ZSCAN31: variants seen among roughly 807,000 people sequenced by gnomAD.
ZSCAN31 encodes the protein zinc finger and SCAN domain containing 31.
ZSCAN31 carries 14 observed loss-of-function variants against 22.5 expected under a neutral mutation model. That is an observed-to-expected ratio of 0.62 (90% CI 0.41 to 0.97). The LOEUF is 0.97. Among genes scored for constraint, ZSCAN31 ranks in the 50% least tolerant of loss-of-function variants. The pLI, the probability that ZSCAN31 is intolerant of heterozygous loss-of-function variation, is 0.00. For missense variants in ZSCAN31, 424 were observed against 483.4 expected, an observed-to-expected ratio of 0.88 and a Z score of 1.15; for synonymous variants, 168 against 169.8, an observed-to-expected ratio of 0.99 and a Z score of 0.08.
chr6:28,343,604 C>T (rs7740205), intron 2 of ZSCAN31, among the ~76,000 whole-genome samples: 270 of 134,678 alleles, frequency 2.0e-3, no homozygotes, highest in African/African-American at 6.9e-3. Context: ...AGTGCAGTCG[C>T]GGGATCTCGG....
rs1765010537 is a variant in ZSCAN31, at chr6:28,351,483, T to C, written c.-371+2379A>G. Among the ~76,000 whole-genome samples the C allele has an allele frequency of 1.3e-5, 2 of 152,206 alleles. No individual in the cohort carries two copies. The highest frequency in any genetic ancestry group is 4.1e-4 in the South Asian group (2 of 4,830). On this transcript the variant is annotated intron_variant, in intron 2 of 7. Transcript: ENST00000396838. This position sits in a 1 kb window ranked among gnomAD's most constrained non-coding sequence, Gnocchi z 4.6. Reference sequence around the variant, plus strand: ...GGACATTGTTTAATTTTCTAAAATTTTGGAGAGAAATTTAAACACATTTAA... The same window carrying C: ...GGACATTGTTTAATTTTCTAAAATTCTGGAGAGAAATTTAAACACATTTAA...
intron 1 of ZSCAN31, chr6:28,354,030 C>T (rs1765248611): frequency 2.3e-6 from 1 of 442,784 alleles, no homozygotes; most frequent in African/African-American, 2.0e-5. Context: ...TCTCGGCTGC[C>T]TCCTCCGACC....
At chr6:28,340,261 T>C (rs866725944), upstream of ZSCAN31, among the ~76,000 whole-genome samples, 2 of 152,266 alleles carry the variant, frequency 1.3e-5, no homozygotes, top group Admixed American at 6.5e-5. Flanking sequence ...CAGAAACTTA[T>C]GACACTATTA....
rs1764778370 is a variant in ZSCAN31 at position 28,349,030 on chromosome 6, TCA to T, written c.-371+4830_-371+4831del. ...ATATACATAGGTGTATATACATGTC[TCA>T]TATACATAGGTGTATATACATGTCT... On this transcript the variant is annotated intron_variant, in intron 2 of 7. Transcript: ENST00000396838. The surrounding 1 kb of genome is among the most constrained non-coding windows in gnomAD (Gnocchi z 4.1). Among the ~76,000 whole-genome samples the T allele has an allele frequency of 7.6e-6, 1 of 131,492 alleles. No homozygotes were observed. The highest frequency in any genetic ancestry group is 2.9e-5 in the African/African-American group (1 of 34,688). 86.3% of individuals were successfully genotyped at this position (131,492 alleles called of 152,430 possible). A position where few individuals can be genotyped will look rare whatever the true frequency, so the allele number is the denominator to read the frequency against.
Position 28,349,784 on chromosome 6 carries a change from C to T in ZSCAN31, c.-371+4078G>A, listed in dbSNP as rs1764845078. 1 of 152,188 alleles carries T rather than the reference C, an allele frequency of 6.6e-6. No individual in the cohort carries two copies. The highest frequency in any genetic ancestry group is 6.5e-5 in the Admixed American group (1 of 15,282). 9.4% of individuals were successfully genotyped at this position (152,188 alleles called of 1,614,324 possible). A position where few individuals can be genotyped will look rare whatever the true frequency, so the allele number is the denominator to read the frequency against. On this transcript the variant is annotated intron_variant, in intron 2 of 7. Coordinates refer to the ZSCAN31 transcript ENST00000396838. This position sits in a 1 kb window ranked among gnomAD's most constrained non-coding sequence, Gnocchi z 4.1. ...TTATGAAAATAATTCTGCACCTTGC[C>T]TTTCTCCCTTAGTTATAGCTGGAAA...
upstream of ZSCAN31, among the ~76,000 whole-genome samples, chr6:28,338,382 C>T (rs895866820): frequency 4.6e-5 from 7 of 152,004 alleles, no homozygotes; most frequent in South Asian, 4.1e-4. Flanking sequence ...GATCCCATCT[C>T]GAAAAATAAA....
At chr6:28,354,047 C>CT (rs1452020126) in intron 1 of ZSCAN31, 1 of 430,434 alleles carries the variant, frequency 2.3e-6, no homozygotes, top group Non-Finnish European at 4.7e-6. Flanking sequence ...GACCGCAGCC[C>CT]TTCTCAGCAA....
intron 2 of ZSCAN31, among the ~76,000 whole-genome samples, chr6:28,345,622 C>A (rs1362272310): frequency 1.3e-5 from 2 of 152,148 alleles, no homozygotes; most frequent in African/African-American, 4.8e-5. Flanking sequence ...GTGGGTTTGC[C>A]TTTTCTGGTC....
At position 28,333,101 on chromosome 6, in the gene ZSCAN31, T is replaced by A. The variant is rs1248848653; in HGVS notation, c.-96+2981A>T. On this transcript the variant is annotated intron_variant, in intron 1 of 3. Coordinates refer to ENST00000344279, the MANE Select transcript of ZSCAN31 (RefSeq NM_030899.5). The surrounding 1 kb of genome is among the most constrained non-coding windows in gnomAD (Gnocchi z 4.1). ...ATCCTAGAATTCAACTCCTGGGGGATTAAATGTGGTGTGTCTCAGGTTGTA... is the reference window on the plus strand; with the variant it reads ...ATCCTAGAATTCAACTCCTGGGGGAATAAATGTGGTGTGTCTCAGGTTGTA... 1.3e-5 allele frequency among the ~76,000 whole-genome samples: 2 copies of A among 152,146 alleles called. No homozygotes were observed. Among genetic ancestry groups the A allele is most frequent in the African/African-American group, 4.8e-5 (2 of 41,416 alleles).
At chr6:28,342,421 A>G (rs1490756864) in intron 2 of ZSCAN31, among the ~76,000 whole-genome samples, 1 of 152,176 alleles carries the variant, frequency 6.6e-6, no homozygotes, top group African/African-American at 2.4e-5. Context: ...CCACACCTGG[A>G]CACTACGTTA....
Position 28,351,686 on chromosome 6 carries a change from CTCCTT to C in ZSCAN31, c.-371+2171_-371+2175del, listed in dbSNP as rs1765027530. On this transcript the variant is annotated intron_variant, in intron 2 of 7. Transcript: ENST00000396838. The surrounding 1 kb of genome is among the most constrained non-coding windows in gnomAD (Gnocchi z 4.6). ...TTTTACTTCCTCCCTCTTTCCCTCT[CTCCTT>C]TCTTTCCCTCTCCCTCCTTTCTTTG... 1.3e-5 allele frequency among the ~76,000 whole-genome samples: 2 copies of C among 151,636 alleles called. No individual in the cohort carries two copies. Among genetic ancestry groups the C allele is most frequent in the African/African-American group, 4.8e-5 (2 of 41,298 alleles).
chr6:28,343,344 G>A (rs1764494649), intron 2 of ZSCAN31, among the ~76,000 whole-genome samples: 1 of 151,956 alleles, frequency 6.6e-6, no homozygotes, highest in Admixed American at 6.6e-5. Context: ...GAGTGGAAAG[G>A]TTAATATCAA....
At chr6:28,341,407 C>T (rs1027248341) in intron 3 of ZSCAN31, among the ~76,000 whole-genome samples, 7 of 152,130 alleles carry the variant, frequency 4.6e-5, no homozygotes, top group African/African-American at 1.7e-4. Flanking sequence ...TCTATGTGTC[C>T]TCTTCTGGTG....
intron 2 of ZSCAN31, among the ~76,000 whole-genome samples, chr6:28,348,148 A>G (rs1489005359): frequency 6.6e-6 from 1 of 152,150 alleles, no homozygotes; most frequent in Non-Finnish European, 1.5e-5. Context: ...TGTTGCAAAT[A>G]TCTTCTCCCA....
At position 28,329,307 on chromosome 6, in the gene ZSCAN31, T is replaced by C. The variant is rs754077811; in HGVS notation, c.377A>G (p.Asn126Ser). The C allele has an allele frequency of 6.4e-7, 1 of 1,573,756 alleles. No homozygotes were observed. Residue 126 changes from asparagine to serine, a missense_variant, in exon 2 of 4, where the codon AAC becomes AGC. Coordinates refer to ENST00000344279, the MANE Select transcript of ZSCAN31 (RefSeq NM_030899.5). ...AGTCCATCTTTCTCCTCTCACCTGG[T>C]TCCCTGGCTCACTAAGCTCTTGTTC... is the stretch of plus-strand genomic sequence containing the variant. ...DLEQELSEPG[N>S]QAPDHEHGHS...
intron 2 of ZSCAN31, 100 bp downstream of exon 2, chr6:28,329,203 A>G: frequency 7.2e-7 from 1 of 1,387,900 alleles, no homozygotes; most frequent in Non-Finnish European, 9.7e-7. Context: ...GTTACACAAC[A>G]GAGAACTAAT....
At chr6:28,327,270 A>T in intron 3 of ZSCAN31, 113 bp downstream of exon 3, 1 of 1,253,920 alleles carries the variant, frequency 8.0e-7, no homozygotes, top group Non-Finnish European at 1.1e-6. Flanking sequence ...GAACTATTAA[A>T]TGCAGCGTTT....
chr6:28,354,556 A>G (rs1765295812), upstream of ZSCAN31, among the ~76,000 whole-genome samples: 1 of 152,210 alleles, frequency 6.6e-6, no homozygotes, highest in Admixed American at 6.5e-5. Flanking sequence ...CACAGGCCCA[A>G]TGTATACATA....
At position 28,347,552 on chromosome 6, in the gene ZSCAN31, T is replaced by A. The variant is rs1764691159; in HGVS notation, c.-370-5760A>T. On this transcript the variant is annotated intron_variant, in intron 2 of 7. Transcript: ENST00000396838. This position sits in a 1 kb window ranked among gnomAD's most constrained non-coding sequence, Gnocchi z 5.2. ...TTCCAGTTTATGTATTTATTTATTC[T>A]GCTTAATTCTTTTGTTTGTTTTTGT... 1.3e-5 allele frequency among the ~76,000 whole-genome samples: 2 copies of A among 152,226 alleles called. No homozygotes were observed. The highest frequency in any genetic ancestry group is 1.3e-4 in the Admixed American group (2 of 15,272).
Sources: gnomAD v4.1 joint callset for allele counts (sites outside exome capture counted in the v4.1 genomes callset) on GRCh38, gnomAD v4.1.1 for gene constraint, Gnocchi (gnomAD v3.1) non-coding constraint, MANE v1.5 for transcripts, NCBI Gene and HGNC (gene_info 2026-07-23, HGNC 2026-07-21) for gene names.